DOK5: variants seen among roughly 807,000 people sequenced by gnomAD.
DOK5 encodes the protein docking protein 5, also known as downstream of tyrosine kinase 5.
Under a neutral mutation model 43.3 loss-of-function variants are expected in DOK5, and 27 were observed. The observed-to-expected ratio is 0.62, with a 90% CI of 0.46 to 0.86. The LOEUF is 0.86. Ranked by LOEUF, DOK5 falls within the 40% of genes least tolerant of loss-of-function variation. The probability of loss-of-function intolerance (pLI) is 0.00; values close to 1 mark genes in which losing one functional copy is unlikely to be tolerated. For missense variants in DOK5, 373 were observed against 392.9 expected (o/e 0.95, Z 0.43); for synonymous variants, 146 against 140.1 (o/e 1.04, Z -0.30).
chr20:54,514,192 CT>C (rs1343735759), intron 1 of DOK5, among the ~76,000 whole-genome samples: 2 of 152,198 alleles, frequency 1.3e-5, no homozygotes, highest in Non-Finnish European at 2.9e-5. Context: ...GGAGTCTCCC[CT>C]GGGATGTCAC....
Position 54,645,924 on chromosome 20 carries a change from G to GAAAAAAAAA in DOK5, c.856+2346_856+2347insAAAAAAAAA, listed in dbSNP as rs1979390374. 4.2e-5 allele frequency among the ~76,000 whole-genome samples: 2 copies of GAAAAAAAAA among 47,630 alleles called. 1 individual carries two copies. Among genetic ancestry groups the GAAAAAAAAA allele is most frequent in the African/African-American group, 2.1e-4 (2 of 9,458 alleles). 31.2% of individuals were successfully genotyped at this position (47,630 alleles called of 152,430 possible). A position where few individuals can be genotyped will look rare whatever the true frequency, so the allele number is the denominator to read the frequency against. Reference sequence around the variant, plus strand: ...GAGAGCATGGCACATAGCAGATGCTGCAAAAAAAAAAAAAAAAAAAAAAAA... The same window carrying GAAAAAAAAA: ...GAGAGCATGGCACATAGCAGATGCTGAAAAAAAAACAAAAAAAAAAAAAAAAAAAAAAAA... On this transcript the variant is annotated intron_variant, in intron 7 of 7. Coordinates refer to ENST00000262593, the MANE Select transcript of DOK5 (RefSeq NM_018431.5).
At chr20:54,537,276 A>G (rs1983991320) in intron 1 of DOK5, among the ~76,000 whole-genome samples, 1 of 152,230 alleles carries the variant, frequency 6.6e-6, no homozygotes, top group Non-Finnish European at 1.5e-5. Flanking sequence ...AAAGAGATTT[A>G]TTTAAGATCT....
In DOK5 at chr20:54,567,097, T is replaced by C. The variant is rs115983818; in HGVS notation, c.174+12057T>C. ...TATGTGTGTATATATATGTGTCAGA[T>C]TGTGCTGGAAAATATGTTCTCCCAG... On this transcript the variant is annotated intron_variant, in intron 2 of 7. Transcript: ENST00000262593. 6.2e-3 allele frequency among the ~76,000 whole-genome samples: 943 copies of C among 152,156 alleles called. 13 individuals are homozygous for C. The highest frequency in any genetic ancestry group is 0.021 in the African/African-American group (871 of 41,520).
intron 6 of DOK5, among the ~76,000 whole-genome samples, chr20:54,613,375 A>G (rs1352496412): frequency 2.0e-5 from 3 of 152,222 alleles, no homozygotes; most frequent in African/African-American, 4.8e-5. Flanking sequence ...ATAAGAAACT[A>G]TAAGAAATCA....
intron 1 of DOK5, among the ~76,000 whole-genome samples, chr20:54,553,001 T>G (rs1984580585): frequency 6.6e-6 from 1 of 152,244 alleles, no homozygotes; most frequent in Non-Finnish European, 1.5e-5. Context: ...TTGTTTTGTT[T>G]CTTCTTATTA....
At chr20:54,589,976 G>A (rs1229321634) in intron 4 of DOK5, among the ~76,000 whole-genome samples, 1 of 152,110 alleles carries the variant, frequency 6.6e-6, no homozygotes, top group Non-Finnish European at 1.5e-5. Flanking sequence ...CTCCTTCTCT[G>A]GTTCACTAAA....
chr20:54,595,288 T>C (rs964348036), intron 5 of DOK5, among the ~76,000 whole-genome samples: 5 of 151,940 alleles, frequency 3.3e-5, no homozygotes, highest in Non-Finnish European at 7.4e-5. Context: ...TGCAGTGAGC[T>C]GAGATCCTGC....
chr20:54,542,004 A>G (rs1475878805), intron 1 of DOK5, among the ~76,000 whole-genome samples: 1 of 151,496 alleles, frequency 6.6e-6, no homozygotes, highest in Non-Finnish European at 1.5e-5. Flanking sequence ...CCCTCACCCT[A>G]TTTAAAATCA....
chr20:54,525,274 T>C (rs1983539606), intron 1 of DOK5, among the ~76,000 whole-genome samples: 1 of 152,152 alleles, frequency 6.6e-6, no homozygotes, highest in African/African-American at 2.4e-5. Flanking sequence ...CAGAGGAATA[T>C]TACAATATTA....
intron 6 of DOK5, among the ~76,000 whole-genome samples, chr20:54,615,903 A>AAT (rs1986794295): frequency 1.3e-5 from 2 of 151,470 alleles, no homozygotes; most frequent in Non-Finnish European, 2.9e-5. Context: ...CCATCTCAAA[A>AAT]AAAAAAAGGC....
chr20:54,641,643 C>G (rs1240222536), intron 6 of DOK5, among the ~76,000 whole-genome samples: 1 of 152,066 alleles, frequency 6.6e-6, no homozygotes, highest in Admixed American at 6.6e-5. Context: ...GGTATCATCT[C>G]ATCAAACTCT....
chr20:54,603,792 A>G (rs964295812), intron 5 of DOK5, among the ~76,000 whole-genome samples: 3 of 152,068 alleles, frequency 2.0e-5, no homozygotes, highest in Non-Finnish European at 4.4e-5. Flanking sequence ...TTTATTCCTC[A>G]CAATGAAACT....
rs78097613 is a variant in DOK5 at position 54,568,186 on chromosome 20, A to G, written c.174+13146A>G. On this transcript the variant is annotated intron_variant, in intron 2 of 7. Transcript: ENST00000262593. ...GCTTAGTTATATTCTGAAGAAACAC[A>G]CAATACACATAATGACATAAGAAAA... 3.6e-3 allele frequency among the ~76,000 whole-genome samples: 545 copies of G among 152,380 alleles called. 12 individuals carry two copies. In the East Asian group the frequency reaches 0.061, roughly 17 times the overall value.
chr20:54,542,138 A>ACACACACACACG (rs1984186337), intron 1 of DOK5, among the ~76,000 whole-genome samples: 1 of 150,796 alleles, frequency 6.6e-6, no homozygotes, highest in African/African-American at 2.4e-5. Context: ...ACACACACAC[A>ACACACACACACG]CGCATGTAAG....
rs368181062 is a variant in DOK5 at position 54,478,240 on chromosome 20, G to A, written c.66+2228G>A. ...AAAGAGGCTGATTACATAGTTGCCAGAACACAGTGCAAACCAAAGTTTTAA... is the reference window on the plus strand; with the variant it reads ...AAAGAGGCTGATTACATAGTTGCCAAAACACAGTGCAAACCAAAGTTTTAA... On this transcript the variant is annotated intron_variant, in intron 1 of 7. Transcript: ENST00000262593. Among the ~76,000 whole-genome samples the A allele has an allele frequency of 1.7e-4, 26 of 152,188 alleles. 1 individual carries two copies. Among genetic ancestry groups the A allele is most frequent in the East Asian group, 7.7e-4 (4 of 5,200 alleles).
chr20:54,493,281 C>T (rs914397384), intron 1 of DOK5, among the ~76,000 whole-genome samples: 3 of 152,220 alleles, frequency 2.0e-5, no homozygotes, highest in East Asian at 1.9e-4. Flanking sequence ...TGCGTTCACT[C>T]GCTGTGTCAC....
chr20:54,504,245 G>C (rs147593611), intron 1 of DOK5, among the ~76,000 whole-genome samples: 1 of 152,160 alleles, frequency 6.6e-6, no homozygotes, highest in Admixed American at 6.5e-5. Context: ...TCTAGATCTC[G>C]CGGTCCACCC....
chr20:54,606,808 A>G (rs898154671), intron 5 of DOK5, among the ~76,000 whole-genome samples: 4 of 152,336 alleles, frequency 2.6e-5, no homozygotes, highest in Admixed American at 6.5e-5. Flanking sequence ...TAGCATCTTC[A>G]TGGGTCAGGC....
chr20:54,559,190 A>G (rs1174047438), intron 2 of DOK5, among the ~76,000 whole-genome samples: 1 of 152,198 alleles, frequency 6.6e-6, no homozygotes, highest in Non-Finnish European at 1.5e-5. Context: ...TTCTGTGCAT[A>G]GTTTTACTTT....
Sources: gnomAD v4.1 joint callset for allele counts (sites outside exome capture counted in the v4.1 genomes callset) on GRCh38, gnomAD v4.1.1 for gene constraint, MANE v1.5 for transcripts, NCBI Gene and HGNC (gene_info 2026-07-23, HGNC 2026-07-21) for gene names.